LCMT1: variants seen among roughly 807,000 people sequenced by gnomAD.
LCMT1 encodes the protein [Phosphatase 2A protein]-leucine-carboxy methyltransferase 1.
A neutral mutation model predicts 47.7 loss-of-function variants in LCMT1; 32 were observed. The ratio of observed to expected loss-of-function variants is 0.67; its 90% confidence interval spans 0.51 to 0.90. The LOEUF (loss-of-function observed/expected upper bound fraction) is 0.90. Ranked by LOEUF, LCMT1 falls within the 40% of genes least tolerant of loss-of-function variation. The pLI, the probability that LCMT1 is intolerant of heterozygous loss-of-function variation, is 0.00. For missense variants in LCMT1, 375 were observed against 415.2 expected (o/e 0.90, Z 0.84); for synonymous variants, 152 against 149.7 (o/e 1.02, Z -0.11).
chr16:25,167,587 C>T (rs573978271), intron 7 of LCMT1, among the ~76,000 whole-genome samples: 3 of 152,014 alleles, frequency 2.0e-5, no homozygotes, highest in South Asian at 4.2e-4. Context: ...CCTGGGACTG[C>T]AGGCATCAGC....
At chr16:25,150,777 C>G (rs1057358241) in intron 4 of LCMT1, among the ~76,000 whole-genome samples, 2 of 152,112 alleles carry the variant, frequency 1.3e-5, no homozygotes, top group African/African-American at 4.8e-5. Flanking sequence ...TTAGAAAAGT[C>G]TGATCCTTAT....
At chr16:25,123,247 CAG>C (rs1003190330) in intron 1 of LCMT1, among the ~76,000 whole-genome samples, 2 of 109,870 alleles carry the variant, frequency 1.8e-5, no homozygotes, top group Non-Finnish European at 3.5e-5. Context: ...TTTTTTGTGA[CAG>C]AGTCTTGCTC....
chr16:25,175,469 C>CAG (rs774665604), intron 10 of LCMT1, among the ~76,000 whole-genome samples: 8 of 134,934 alleles, frequency 5.9e-5, no homozygotes, highest in African/African-American at 8.1e-5. Context: ...ACTAAAAATA[C>CAG]AAAAAAAAAA....
chr16:25,175,311 A>C (rs1428700099), intron 10 of LCMT1, among the ~76,000 whole-genome samples: 1 of 151,938 alleles, frequency 6.6e-6, no homozygotes, highest in Non-Finnish European at 1.5e-5. Context: ...AGGTCTCTCT[A>C]AGGCTGGTCT....
chr16:25,116,709 C>T (rs1439668363), intron 1 of LCMT1, among the ~76,000 whole-genome samples: 3 of 148,090 alleles, frequency 2.0e-5, no homozygotes. Context: ...GGAGAAACCT[C>T]CTCTCCACAA....
At chr16:25,175,164 CAG>C (rs1233613519) in intron 10 of LCMT1, 130 bp downstream of exon 10, 6 of 602,464 alleles carry the variant, frequency 1.0e-5, no homozygotes, top group Non-Finnish European at 1.5e-5. Context: ...TGTTTTGAGA[CAG>C]GGTCTCGCTC....
intron 7 of LCMT1, among the ~76,000 whole-genome samples, chr16:25,165,967 CA>C (rs1185024035): frequency 6.6e-6 from 1 of 152,088 alleles, no homozygotes; most frequent in Non-Finnish European, 1.5e-5. Flanking sequence ...CTCTGAGCCC[CA>C]GTTCTTTGTT....
chr16:25,151,288 C>G (rs539822833), intron 4 of LCMT1, among the ~76,000 whole-genome samples: 1 of 152,320 alleles, frequency 6.6e-6, no homozygotes, highest in Admixed American at 6.5e-5. Context: ...ACTTCATGAT[C>G]AGTTTGTGAT....
intron 1 of LCMT1, among the ~76,000 whole-genome samples, chr16:25,120,515 C>G (rs1286091231): frequency 1.3e-5 from 2 of 149,416 alleles, no homozygotes; most frequent in Non-Finnish European, 3.0e-5. Flanking sequence ...GCATCTACCT[C>G]CCAGGTTCAA....
At chr16:25,142,395 A>C (rs1960721458) in intron 4 of LCMT1, 1 of 152,204 alleles carries the variant, frequency 6.6e-6, no homozygotes, top group Non-Finnish European at 1.5e-5. Context: ...TTATACATTC[A>C]AAGGAAAGGG....
intron 4 of LCMT1, among the ~76,000 whole-genome samples, chr16:25,150,114 A>T (rs775055782): frequency 6.6e-6 from 1 of 152,096 alleles, no homozygotes; most frequent in Non-Finnish European, 1.5e-5. Context: ...GAGAGCTTTC[A>T]TAGCCTAGTA....
chr16:25,117,957 A>T (rs1426884792), intron 1 of LCMT1, among the ~76,000 whole-genome samples: 2 of 151,776 alleles, frequency 1.3e-5, no homozygotes, highest in Non-Finnish European at 2.9e-5. Flanking sequence ...TATTTAGGGG[A>T]TGAGGGAATT....
At position 25,164,699 on chromosome 16, in the gene LCMT1, T is replaced by G. The variant is rs1176642521; in HGVS notation, c.671T>G (p.Met224Arg). 1 of 1,614,048 alleles carries G rather than the reference T, an allele frequency of 6.2e-7. No homozygotes were observed. Among genetic ancestry groups the G allele is most frequent in the Admixed American group, 1.7e-5 (1 of 60,024 alleles). The change falls in exon 7 of 11, where the codon ATG (methionine) becomes AGG (arginine). Residue 224 changes from methionine to arginine, a missense_variant. Coordinates refer to ENST00000399069, the MANE Select transcript of LCMT1 (RefSeq NM_016309.3). ...KWAANSFERA[M>R]FINYEQVNMG... ...GCAGCCAACAGTTTTGAGAGAGCCA[T>G]GTTCATAAACTACGAACAGGTAAAA...
chr16:25,141,044 A>G (rs553253598), intron 4 of LCMT1: 1 of 152,174 alleles, frequency 6.6e-6, no homozygotes, highest in Non-Finnish European at 1.5e-5. Flanking sequence ...GGGGGTGGGG[A>G]AATCTCTCAC....
At chr16:25,143,862 G>T (rs1218164527) in intron 4 of LCMT1, 1 of 152,170 alleles carries the variant, frequency 6.6e-6, no homozygotes, top group Non-Finnish European at 1.5e-5. Context: ...CTTTCAACTG[G>T]TCAGTTCCTG....
intron 2 of LCMT1, among the ~76,000 whole-genome samples, chr16:25,131,125 T>C (rs1321378889): frequency 6.6e-6 from 1 of 152,266 alleles, no homozygotes; most frequent in African/African-American, 2.4e-5. Context: ...CAAATGACTA[T>C]AATTCTTGTG....
At chr16:25,122,827 CT>C (rs994775380) in intron 1 of LCMT1, among the ~76,000 whole-genome samples, 19 of 149,172 alleles carry the variant, frequency 1.3e-4, no homozygotes, top group African/African-American at 4.7e-4. Context: ...ATCTTTTTTT[CT>C]TTTTTTGAGA....
At chr16:25,123,489 C>T (rs1253299187) in intron 1 of LCMT1, among the ~76,000 whole-genome samples, 8 of 150,888 alleles carry the variant, frequency 5.3e-5, no homozygotes, top group Non-Finnish European at 1.2e-4. Flanking sequence ...CCTCCCAAAG[C>T]GTTGGGATTA....
chr16:25,112,317 C>T (rs897158936), intron 1 of LCMT1, among the ~76,000 whole-genome samples: 2 of 152,190 alleles, frequency 1.3e-5, no homozygotes, highest in Non-Finnish European at 1.5e-5. Flanking sequence ...ATAGTAGCTC[C>T]AGCCTCGATG....
Sources: allele counts gnomAD v4.1 joint callset (sites outside exome capture counted in the v4.1 genomes callset), GRCh38; gene constraint gnomAD v4.1.1; transcripts MANE v1.5; gene names NCBI Gene and HGNC (gene_info 2026-07-23, HGNC 2026-07-21).